Variants in DCAF6 observed in about 807,000 individuals in gnomAD.
The protein encoded by DCAF6 is DDB1- and CUL4-associated factor 6.
DCAF6 carries 54 observed loss-of-function variants against 125.1 expected under a neutral mutation model. That is an observed-to-expected ratio of 0.43 (90% CI 0.35 to 0.54). The LOEUF is 0.54. Ranked by LOEUF, DCAF6 falls within the 20% of genes least tolerant of loss-of-function variation. The pLI is 0.01. For missense variants in DCAF6, 934 were observed against 1,161.7 expected (o/e 0.80, Z 2.85); for synonymous variants, 371 against 390.4 (o/e 0.95, Z 0.58).
At chr1:168,067,304 C>A (rs1225577178) in intron 20 of DCAF6, among the ~76,000 whole-genome samples, 1 of 152,078 alleles carries the variant, frequency 6.6e-6, no homozygotes, top group African/African-American at 2.4e-5. Flanking sequence ...TAAGGCCCTA[C>A]CCTCAGAGTT....
chr1:167,913,714 G>A, the DCAF6 span, among the ~76,000 whole-genome samples: 1 of 150,830 alleles, frequency 6.6e-6, no homozygotes, highest in Non-Finnish European at 1.5e-5. Context: ...AGGATATCAC[G>A]TGAGAAACTG....
At chr1:167,866,085 A>G in the DCAF6 span, among the ~76,000 whole-genome samples, 5 of 152,194 alleles carry the variant, frequency 3.3e-5, no homozygotes, top group African/African-American at 7.2e-5. Flanking sequence ...GAGCTTATCA[A>G]TCAGTCAGCC....
chr1:167,935,910 G>A, upstream of DCAF6: 6 of 1,219,132 alleles, frequency 4.9e-6, no homozygotes, highest in Non-Finnish European at 7.1e-6. Flanking sequence ...TGACAACGAA[G>A]GGGAGCTAGT....
At chr1:167,972,463 G>A (rs1167211025) in intron 3 of DCAF6, among the ~76,000 whole-genome samples, 2 of 152,174 alleles carry the variant, frequency 1.3e-5, no homozygotes, top group Non-Finnish European at 2.9e-5. Flanking sequence ...TCACTGTAGG[G>A]TTTTAAACAT....
intron 16 of DCAF6, among the ~76,000 whole-genome samples, chr1:168,049,844 A>G (rs1689664646): frequency 6.7e-6 from 1 of 148,758 alleles, no homozygotes; most frequent in South Asian, 2.1e-4. Context: ...TTTAGTAGAT[A>G]CGGGGTTTCA....
At chr1:168,036,419 C>T (rs977362715) in intron 12 of DCAF6, among the ~76,000 whole-genome samples, 1 of 151,972 alleles carries the variant, frequency 6.6e-6, no homozygotes, top group African/African-American at 2.4e-5. Flanking sequence ...CTGTCTTTAC[C>T]TTAAAAGAAA....
intron 3 of DCAF6, among the ~76,000 whole-genome samples, chr1:167,970,734 C>T (rs1359479955): frequency 6.6e-6 from 1 of 151,944 alleles, no homozygotes; most frequent in African/African-American, 2.4e-5. Context: ...TCAAATACTA[C>T]CTGTTTTTAT....
chr1:167,883,183 A>T, the DCAF6 span, among the ~76,000 whole-genome samples: 1 of 152,216 alleles, frequency 6.6e-6, no homozygotes, highest in African/African-American at 2.4e-5. Context: ...GATTACAGGC[A>T]CGTGCCACCG....
chr1:168,020,496 G>A (rs990266951), intron 11 of DCAF6, among the ~76,000 whole-genome samples: 1 of 152,090 alleles, frequency 6.6e-6, no homozygotes, highest in African/African-American at 2.4e-5. Context: ...TTAGTACTGA[G>A]TGAGCTTTTG....
At chr1:167,958,943 T>A (rs945663014) in intron 2 of DCAF6, among the ~76,000 whole-genome samples, 1 of 152,210 alleles carries the variant, frequency 6.6e-6, no homozygotes, top group Admixed American at 6.5e-5. Flanking sequence ...AGGCATCTTA[T>A]GAGTTTGGAC....
intron 12 of DCAF6, among the ~76,000 whole-genome samples, chr1:168,033,455 A>G (rs1391149101): frequency 6.6e-6 from 1 of 151,906 alleles, no homozygotes; most frequent in Non-Finnish European, 1.5e-5. Context: ...AGCTGGGACT[A>G]CAGGCGCCCG....
the DCAF6 span, among the ~76,000 whole-genome samples, chr1:167,903,047 G>A: frequency 6.6e-6 from 1 of 152,162 alleles, no homozygotes; most frequent in Non-Finnish European, 1.5e-5. Context: ...CTGAGGTCAG[G>A]AGTTAGAGAC....
At chr1:167,900,303 CT>C in the DCAF6 span, among the ~76,000 whole-genome samples, 1 of 152,136 alleles carries the variant, frequency 6.6e-6, no homozygotes, top group Non-Finnish European at 1.5e-5. Flanking sequence ...TGACTCCCCC[CT>C]GATTCTACAT....
At position 168,065,650 on chromosome 1, in the gene DCAF6, A is replaced by G. The variant is rs778923372; in HGVS notation, c.2500A>G (p.Ile834Val). 5 of 1,613,206 alleles carry G rather than the reference A, an allele frequency of 3.1e-6. No individual in the cohort carries two copies. In the South Asian group the frequency reaches 3.3e-5, roughly 11 times the overall value. Residue 834 changes from isoleucine to valine, a missense_variant, in exon 19 of 22, where the codon ATT (isoleucine) becomes GTT (valine). Around this residue, in one of 5 missense-constraint regions of DCAF6, gnomAD observed 559 missense variants for 635.5 expected, o/e 0.88. Transcript: ENST00000367840. ...AATGAGTGGTTCTGACTGTGGCCAC[A>G]TTTTCATCTGGGATCGGCACACTGC... ...FVMSGSDCGH[I>V]FIWDRHTAEH...
At chr1:167,936,452 C>G (rs1048659610), upstream of DCAF6, 1 of 182,886 alleles carries the variant, frequency 5.5e-6, no homozygotes, top group African/African-American at 2.4e-5. Flanking sequence ...CTCTACTCGT[C>G]TTTTATCCCT....
At chr1:167,927,787 C>A in the DCAF6 span, among the ~76,000 whole-genome samples, 1 of 151,844 alleles carries the variant, frequency 6.6e-6, no homozygotes, top group Non-Finnish European at 1.5e-5. Flanking sequence ...CCCACCAAAC[C>A]AAACAACTGA....
At chr1:167,993,987 A>G (rs1681262998) in intron 7 of DCAF6, among the ~76,000 whole-genome samples, 1 of 152,052 alleles carries the variant, frequency 6.6e-6, no homozygotes. Flanking sequence ...ATAGTTACTA[A>G]TTACTAATTA....
At chr1:168,022,418 T>C (rs1291838962) in intron 11 of DCAF6, among the ~76,000 whole-genome samples, 3 of 152,228 alleles carry the variant, frequency 2.0e-5, no homozygotes, top group Admixed American at 2.0e-4. Flanking sequence ...AGTTTTAATA[T>C]GCACAATATA....
At chr1:167,976,372 G>A (rs2102903056) in intron 4 of DCAF6, among the ~76,000 whole-genome samples, 1 of 152,288 alleles carries the variant, frequency 6.6e-6, no homozygotes, top group East Asian at 1.9e-4. Context: ...GGGAGGCTGA[G>A]GCTTGAGAAT....
Sources: gnomAD v4.1 joint callset for allele counts (sites outside exome capture counted in the v4.1 genomes callset) on GRCh38, gnomAD v4.1.1 for gene constraint, gnomAD v4.1.1 regional missense constraint, MANE v1.5 for transcripts, NCBI Gene and HGNC (gene_info 2026-07-23, HGNC 2026-07-21) for gene names.